The following EFR3B variants were observed in gnomAD, a reference collection of about 807,000 sequenced individuals.
The protein encoded by EFR3B is EFR3 homolog B, also known as protein EFR3 homolog B.
Under a neutral mutation model 104.7 loss-of-function variants are expected in EFR3B, and 64 were observed. The ratio of observed to expected loss-of-function variants is 0.61; its 90% CI spans 0.50 to 0.75. EFR3B has a LOEUF of 0.75. EFR3B is among the 30% of genes least tolerant of loss of function. EFR3B has a pLI of 0.00. For missense variants in EFR3B, 750 were observed against 1,078.5 expected (o/e 0.70, Z 4.27); for synonymous variants, 385 against 417.9 (o/e 0.92, Z 0.96).
At chr2:25,120,216 T>C (rs1254204852) in intron 4 of EFR3B, among the ~76,000 whole-genome samples, 1 of 151,538 alleles carries the variant, frequency 6.6e-6, no homozygotes. Flanking sequence ...CTGGGCATGA[T>C]GGCAGGTGCC....
chr2:25,056,436 C>T (rs1343151729), intron 1 of EFR3B, among the ~76,000 whole-genome samples: 1 of 140,942 alleles, frequency 7.1e-6, no homozygotes, highest in East Asian at 2.0e-4. Context: ...ATTACTTGTG[C>T]TTTTTTTTTT....
intron 1 of EFR3B, among the ~76,000 whole-genome samples, chr2:25,052,344 A>G (rs992021319): frequency 6.6e-6 from 1 of 152,130 alleles, no homozygotes. Flanking sequence ...ATGTTGAATG[A>G]ATGCATTCTG....
rs780951453 is a variant in EFR3B at position 25,114,476 on chromosome 2, C to T, written c.364-7197C>T. Among the ~76,000 whole-genome samples, 1 of 152,272 alleles carries T rather than the reference C, an allele frequency of 6.6e-6. No individual in the cohort carries two copies. Among genetic ancestry groups the T allele is most frequent in the East Asian group, 1.9e-4 (1 of 5,182 alleles). ...CACACACCACTTCTCCACGGGAGAT[C>T]GGGGACTGGCATTAAGTGCAGTCTT... On this transcript the variant is annotated intron_variant, in intron 4 of 22. Transcript: ENST00000403714. This position sits in a 1 kb window ranked among gnomAD's most constrained non-coding sequence, Gnocchi z 4.0.
In EFR3B at chr2:25,150,039, C is replaced by T. The variant is rs142901554; in HGVS notation, c.2191+297C>T. On this transcript the variant is annotated intron_variant, in intron 20 of 22. Coordinates refer to ENST00000403714, the MANE Select transcript of EFR3B (RefSeq NM_014971.2). ...TCAGTTGGCCAGGCATGGTGGCTCA[C>T]GCCTGTAATCCCAGCACTTTGGGAG... 5.2e-3 allele frequency among the ~76,000 whole-genome samples: 794 copies of T among 152,274 alleles called. 1 individual carries two copies. The highest frequency in any genetic ancestry group is 0.024 in the Middle Eastern group (7 of 294).
At chr2:25,057,664 C>T (rs1217961862) in intron 1 of EFR3B, among the ~76,000 whole-genome samples, 3 of 152,028 alleles carry the variant, frequency 2.0e-5, no homozygotes. Flanking sequence ...TGCCTGTAAT[C>T]CCAGCTACTT....
chr2:25,070,774 GGGCGCAGA>G (rs927790708), intron 1 of EFR3B, among the ~76,000 whole-genome samples: 1 of 152,208 alleles, frequency 6.6e-6, no homozygotes, highest in African/African-American at 2.4e-5. Flanking sequence ...AAGAGATGGA[GGGCGCAGA>G]GGCTCAGAGG....
chr2:25,117,847 C>G (rs1236445128), intron 4 of EFR3B, among the ~76,000 whole-genome samples: 3 of 152,232 alleles, frequency 2.0e-5, no homozygotes, highest in Non-Finnish European at 4.4e-5. Context: ...AAGCAGAAGG[C>G]AGGAATAAAA....
At chr2:25,056,273 T>C (rs1668019109) in intron 1 of EFR3B, among the ~76,000 whole-genome samples, 1 of 152,190 alleles carries the variant, frequency 6.6e-6, no homozygotes, top group African/African-American at 2.4e-5. Context: ...CCCTCTGGCC[T>C]TCCTGCTGAA....
intron 1 of EFR3B, among the ~76,000 whole-genome samples, chr2:25,046,506 C>CTTTTTTTTTTTTTTTTTTTTTTTTTTTT (rs531667109): frequency 1.7e-5 from 2 of 119,112 alleles, no homozygotes; most frequent in Admixed American, 8.5e-5. Context: ...AGTACAAAGT[C>CTTTTTTTTTTTTTTTTTTTTTTTTTTTT]TTTTTTTTTT....
At position 25,153,704 on chromosome 2, in the gene EFR3B, G is replaced by T; in HGVS notation, c.2299-8G>T. ...CCTGCCAGCTCACTTCCGTGTGTTTGTGTCTAGGCATCGCTGCTCCAGAGC... is the reference window on the plus strand; with the variant it reads ...CCTGCCAGCTCACTTCCGTGTGTTTTTGTCTAGGCATCGCTGCTCCAGAGC... On this transcript the variant is annotated splice_region_variant and splice_polypyrimidine_tract_variant and intron_variant, in intron 21 of 22. Transcript: ENST00000403714. 1.3e-6 allele frequency: 2 copies of T among 1,551,712 alleles called. No individual in the cohort carries two copies. Among genetic ancestry groups the T allele is most frequent in the Non-Finnish European group, 1.7e-6 (2 of 1,147,002 alleles).
intron 5 of EFR3B, among the ~76,000 whole-genome samples, chr2:25,123,996 G>A (rs565609677): frequency 2.6e-5 from 4 of 152,316 alleles, no homozygotes; most frequent in South Asian, 2.1e-4. Flanking sequence ...GAAGGCCTGT[G>A]GGTGAGAGAG....
intron 1 of EFR3B, among the ~76,000 whole-genome samples, chr2:25,061,468 T>G (rs1256053814): frequency 1.3e-5 from 2 of 151,418 alleles, no homozygotes; most frequent in Non-Finnish European, 2.9e-5. Flanking sequence ...GATGGCCTAC[T>G]CAGAAGTGAA....
At chr2:25,098,951 C>T (rs922512710) in intron 3 of EFR3B, among the ~76,000 whole-genome samples, 1 of 150,580 alleles carries the variant, frequency 6.6e-6, no homozygotes, top group African/African-American at 2.4e-5. Context: ...CTCACGAGGC[C>T]TTGAGTTTCT....
At chr2:25,061,840 A>G (rs1179157277) in intron 1 of EFR3B, among the ~76,000 whole-genome samples, 1 of 151,906 alleles carries the variant, frequency 6.6e-6, no homozygotes, top group Non-Finnish European at 1.5e-5. Flanking sequence ...CACACCAGGG[A>G]GCCAGCCTGT....
rs1553385051 is a variant in EFR3B, at chr2:25,059,578, G to GGC, written c.7+17260_7+17261insCG. Among the ~76,000 whole-genome samples the GGC allele has an allele frequency of 6.1e-5, 7 of 114,848 alleles. No individual in the cohort carries two copies. In the East Asian group the frequency reaches 1.7e-3, roughly 29 times the overall value. The allele number at this position is 114,848 out of a possible 152,430, so 75.3% of individuals were successfully genotyped here. On this transcript the variant is annotated intron_variant, in intron 1 of 22. Coordinates refer to ENST00000403714, the MANE Select transcript of EFR3B (RefSeq NM_014971.2). ...TAGAGGTTACCAGGGACTGCGGGGG[G>GGC]GGGGGGGGTGGAGATTGGGGAATTG... is the stretch of plus-strand genomic sequence containing the variant.
intron 4 of EFR3B, among the ~76,000 whole-genome samples, chr2:25,119,499 G>A (rs1384678799): frequency 4.6e-5 from 7 of 152,262 alleles, no homozygotes; most frequent in Non-Finnish European, 1.0e-4. Flanking sequence ...CCAGGCAGCC[G>A]AAGGCCGACT....
intron 19 of EFR3B, 108 bp from the exon 20 acceptor site, chr2:25,149,586 G>A: frequency 8.6e-7 from 1 of 1,158,176 alleles, no homozygotes; most frequent in South Asian, 1.3e-5. Flanking sequence ...CCTGCCCACT[G>A]GGACTTTCTT....
chr2:25,050,042 A>G (rs1667824367), intron 1 of EFR3B, among the ~76,000 whole-genome samples: 2 of 151,550 alleles, frequency 1.3e-5, no homozygotes, highest in South Asian at 4.2e-4. Context: ...AGGTAGGAGA[A>G]TCACTTCAAC....
intron 3 of EFR3B, among the ~76,000 whole-genome samples, chr2:25,095,421 T>C (rs988560757): frequency 6.6e-6 from 1 of 152,018 alleles, no homozygotes; most frequent in African/African-American, 2.4e-5. Flanking sequence ...ACTGGCCAGG[T>C]GCGGTGGCTC....
Sources: allele counts gnomAD v4.1 joint callset (sites outside exome capture counted in the v4.1 genomes callset), GRCh38; gene constraint gnomAD v4.1.1; non-coding constraint Gnocchi (gnomAD v3.1); transcripts MANE v1.5; gene names NCBI Gene and HGNC (gene_info 2026-07-23, HGNC 2026-07-21).